EIF3D: variants seen among roughly 807,000 people sequenced by gnomAD.
EIF3D encodes eIF3 p66.
In EIF3D, 10 loss-of-function variants were observed where a neutral mutation model predicts 75.4. That is an observed-to-expected ratio of 0.13 (90% confidence interval 0.08 to 0.22). EIF3D has a LOEUF of 0.22. Among genes scored for constraint, EIF3D ranks in the 10% least tolerant of loss-of-function variants. The probability of loss-of-function intolerance (pLI) is 1.00; values close to 1 mark genes in which losing one functional copy is unlikely to be tolerated. For missense variants in EIF3D, 394 were observed against 708.0 expected, an observed-to-expected ratio of 0.56 and a Z score of 5.03; for synonymous variants, 246 against 248.3, an observed-to-expected ratio of 0.99 and a Z score of 0.09.
intron 10 of EIF3D, 146 bp downstream of exon 10, chr22:36,517,155 C>T (rs1934439806): frequency 3.8e-6 from 4 of 1,063,412 alleles, no homozygotes; most frequent in Middle Eastern, 2.1e-4. Flanking sequence ...ACATCCAAGC[C>T]CAGGCATGTA....
intron 1 of EIF3D, 42 bp from the exon 2 acceptor site, chr22:36,526,173 C>G: frequency 6.5e-7 from 1 of 1,540,456 alleles, no homozygotes; most frequent in East Asian, 2.3e-5. Context: ...TGAACGAAGG[C>G]CTCAGAGTAC....
At chr22:36,513,369 C>T (rs926427365) in intron 12 of EIF3D, among the ~76,000 whole-genome samples, 3 of 151,788 alleles carry the variant, frequency 2.0e-5, no homozygotes, top group African/African-American at 7.3e-5. Flanking sequence ...GTGGCACGAT[C>T]TTGGCTCACT....
At chr22:36,522,215 G>T (rs531991843) in intron 6 of EIF3D, among the ~76,000 whole-genome samples, 2 of 152,036 alleles carry the variant, frequency 1.3e-5, no homozygotes, top group South Asian at 2.1e-4. Context: ...TTAGCCAGGC[G>T]TGGTGGTGCA....
intron 9 of EIF3D, among the ~76,000 whole-genome samples, chr22:36,518,072 A>G (rs747463838): frequency 5.9e-5 from 9 of 152,120 alleles, no homozygotes; most frequent in Admixed American, 1.3e-4. Flanking sequence ...TTTGAGTGAC[A>G]TGGTTTTCCT....
intron 12 of EIF3D, chr22:36,512,867 AC>A: frequency 2.5e-6 from 1 of 401,240 alleles, no homozygotes; most frequent in Non-Finnish European, 4.6e-6. Context: ...GGACACACAC[AC>A]ACACACACAC....
In EIF3D at chr22:36,518,751, C is replaced by A; in HGVS notation, c.859+12G>T. 1 of 1,613,698 alleles carries A rather than the reference C, an allele frequency of 6.2e-7. No individual in the cohort carries two copies. The highest frequency in any genetic ancestry group is 2.2e-5 in the East Asian group (1 of 44,886). Reference sequence around the variant, plus strand: ...CAATGCCTTTGAGTTGCTCCCCAGGCACGCTTCTTACCAAAGTCAGAGTTG... The same window carrying A: ...CAATGCCTTTGAGTTGCTCCCCAGGAACGCTTCTTACCAAAGTCAGAGTTG... On this transcript the variant is annotated intron_variant, in intron 9 of 14. Transcript: ENST00000216190.
intron 13 of EIF3D, 58 bp downstream of exon 13, chr22:36,512,402 C>A: frequency 6.2e-7 from 1 of 1,602,486 alleles, no homozygotes; most frequent in South Asian, 1.1e-5. Flanking sequence ...GGTCAACCTC[C>A]CTACCCAGAC....
intron 3 of EIF3D, 30 bp from the exon 4 acceptor site, chr22:36,524,762 C>G (rs1481215716): frequency 6.2e-7 from 1 of 1,614,118 alleles, no homozygotes; most frequent in South Asian, 1.1e-5. Flanking sequence ...CATGTAGTAA[C>G]TGCACCCACA....
intron 4 of EIF3D, 94 bp downstream of exon 4, chr22:36,524,502 C>A: frequency 6.4e-7 from 1 of 1,554,856 alleles, no homozygotes; most frequent in South Asian, 1.2e-5. Flanking sequence ...ATATGCTTCC[C>A]TCTCTCATTA....
Position 36,525,718 on chromosome 22 carries a change from A to G in EIF3D, c.124-9T>C. On this transcript the variant is annotated splice_polypyrimidine_tract_variant and intron_variant, in intron 2 of 14. Transcript: ENST00000216190. ...CCTGTCCAGTCTGCAACCTACGAAG[A>G]ACAAGAAAAGACAGAGAATGCACAG... 1 of 1,610,180 alleles carries G rather than the reference A, an allele frequency of 6.2e-7. No individual in the cohort carries two copies. Among genetic ancestry groups the G allele is most frequent in the Non-Finnish European group, 8.5e-7 (1 of 1,179,188 alleles).
chr22:36,515,319 G>A (rs1220441411), intron 12 of EIF3D, among the ~76,000 whole-genome samples: 1 of 152,118 alleles, frequency 6.6e-6, no homozygotes, highest in Middle Eastern at 3.2e-3. Context: ...ACCTGAGGCC[G>A]GGACTTCAAG....
chr22:36,514,105 A>C (rs1812341899), intron 12 of EIF3D, among the ~76,000 whole-genome samples: 2 of 152,170 alleles, frequency 1.3e-5, no homozygotes, highest in African/African-American at 4.8e-5. Flanking sequence ...TAATGTAAAA[A>C]AGAAGTTGGA....
At chr22:36,527,183 A>C (rs1267647182) in intron 1 of EIF3D, among the ~76,000 whole-genome samples, 1 of 152,208 alleles carries the variant, frequency 6.6e-6, no homozygotes, top group Non-Finnish European at 1.5e-5. Flanking sequence ...TTAAATGTTC[A>C]TGAATACTGC....
In EIF3D at chr22:36,516,571, A is replaced by G; in HGVS notation, c.1113T>C (p.Leu371=). Residue 371 remains leucine, a synonymous_variant, in exon 12 of 15, where the codon CTT becomes CTC. Coordinates refer to ENST00000216190, the MANE Select transcript of EIF3D (RefSeq NM_003753.4). ...RRWKLGDDID[L]IVRCEHDGVM... is the part of the protein sequence containing the mutation. ...CGCCATCGTGCTCACAACGGACAAT[A>G]AGGTCAATATCATCTCCAAGCTTCC... 5 of 1,614,104 alleles carry G rather than the reference A, an allele frequency of 3.1e-6. No homozygotes were observed. The highest frequency in any genetic ancestry group is 1.1e-5 in the South Asian group (1 of 91,060).
In EIF3D at chr22:36,510,967, T is replaced by A; in HGVS notation, c.*20A>T. ...TCGTAGTCTCGGTGGAAGGACAAAC[T>A]CCAGCTCCACATCACTGGTTTAAGT... is the stretch of plus-strand genomic sequence containing the variant. On this transcript the variant is annotated 3_prime_UTR_variant, in exon 15 of 15. Transcript: ENST00000216190. The A allele has an allele frequency of 6.3e-7, 1 of 1,586,448 alleles. No individual in the cohort carries two copies. Among genetic ancestry groups the A allele is most frequent in the Non-Finnish European group, 8.6e-7 (1 of 1,167,186 alleles).
chr22:36,522,447 G>A (rs1294317726), intron 6 of EIF3D, among the ~76,000 whole-genome samples: 1 of 152,172 alleles, frequency 6.6e-6, no homozygotes, highest in Admixed American at 6.5e-5. Context: ...ACCACAGGCC[G>A]AATGTGGGAC....
chr22:36,522,988 C>A, intron 6 of EIF3D: 1 of 461,276 alleles, frequency 2.2e-6, no homozygotes, highest in South Asian at 2.3e-5. Context: ...TCTGTTCTAG[C>A]AACGGAAAAC....
At chr22:36,516,661 C>T (rs955969753) in intron 11 of EIF3D, 44 bp downstream of exon 11, 5 of 1,614,014 alleles carry the variant, frequency 3.1e-6, no homozygotes, top group South Asian at 1.1e-5. Context: ...GAGTGGGGCC[C>T]GTGCTCCAGT....
chr22:36,511,043 T>C, intron 14 of EIF3D, 43 bp from the exon 15 acceptor site: 1 of 1,594,656 alleles, frequency 6.3e-7, no homozygotes, highest in Non-Finnish European at 8.5e-7. Context: ...CCAGGTTGTG[T>C]GATATGATGT....
Sources: gnomAD v4.1 joint callset for allele counts (sites outside exome capture counted in the v4.1 genomes callset) on GRCh38, gnomAD v4.1.1 for gene constraint, MANE v1.5 for transcripts, NCBI Gene and HGNC (gene_info 2026-07-23, HGNC 2026-07-21) for gene names.